CDYL2: variants seen among roughly 807,000 people sequenced by gnomAD.
The protein encoded by CDYL2 is chromodomain Y like 2, also known as chromodomain Y-like protein 2.
In CDYL2, 23 loss-of-function variants were observed where a neutral mutation model predicts 49.4. The ratio of observed to expected loss-of-function variants is 0.47; its 90% confidence interval spans 0.34 to 0.66. The LOEUF (loss-of-function observed/expected upper bound fraction) is 0.66. CDYL2 is among the 30% of genes least tolerant of loss of function. The pLI, the probability that CDYL2 is intolerant of heterozygous loss-of-function variation, is 0.01. For synonymous variants in CDYL2, 360 were observed against 268.8 expected, an observed-to-expected ratio of 1.34 and a Z score of -3.32; for missense variants, 678 against 656.4, an observed-to-expected ratio of 1.03 and a Z score of -0.36.
At chr16:80,671,794 T>G (rs999860869) in intron 2 of CDYL2, among the ~76,000 whole-genome samples, 2 of 152,208 alleles carry the variant, frequency 1.3e-5, no homozygotes, top group African/African-American at 2.4e-5. Context: ...TTATTATTCT[T>G]TTTTGGATGG....
intron 1 of CDYL2, among the ~76,000 whole-genome samples, chr16:80,717,629 C>T (rs1378590490): frequency 6.6e-6 from 1 of 152,188 alleles, no homozygotes; most frequent in South Asian, 2.1e-4. Context: ...GTCTCCTCCA[C>T]GATCTGGGAG....
chr16:80,759,124 A>ATATATATGGTTTT (rs1906433081), intron 1 of CDYL2, among the ~76,000 whole-genome samples: 2 of 133,220 alleles, frequency 1.5e-5, no homozygotes, highest in African/African-American at 5.8e-5. Context: ...ATATATATAT[A>ATATATATGGTTTT]TATATATATA....
intron 2 of CDYL2, among the ~76,000 whole-genome samples, chr16:80,662,064 T>C (rs1238706262): frequency 6.6e-6 from 1 of 152,188 alleles, no homozygotes; most frequent in Non-Finnish European, 1.5e-5. Context: ...CACTCACAGA[T>C]CATGAAGTCT....
At chr16:80,702,720 A>G (rs1044515532) in intron 1 of CDYL2, among the ~76,000 whole-genome samples, 3 of 152,226 alleles carry the variant, frequency 2.0e-5, no homozygotes, top group Non-Finnish European at 1.5e-5. Flanking sequence ...ACTGCATTCC[A>G]GCCTGGGTGA....
At chr16:80,780,397 C>CTTTTTTT (rs1022730941) in intron 1 of CDYL2, among the ~76,000 whole-genome samples, 4 of 105,362 alleles carry the variant, frequency 3.8e-5, no homozygotes, top group Non-Finnish European at 7.5e-5. Flanking sequence ...TGCACAATAT[C>CTTTTTTT]TTTTTTTTTT....
At chr16:80,672,368 G>A (rs893485117) in intron 2 of CDYL2, among the ~76,000 whole-genome samples, 13 of 149,858 alleles carry the variant, frequency 8.7e-5, no homozygotes, top group African/African-American at 3.2e-4. Context: ...GAGAGAGAGA[G>A]ATGAGTAGAA....
intron 1 of CDYL2, among the ~76,000 whole-genome samples, chr16:80,713,129 G>A (rs1904677317): frequency 6.6e-6 from 1 of 152,210 alleles, no homozygotes; most frequent in Non-Finnish European, 1.5e-5. Flanking sequence ...TATGGCCCAT[G>A]ATCTGCTGCA....
chr16:80,605,940 T>C (rs914455434), intron 6 of CDYL2, among the ~76,000 whole-genome samples: 2 of 152,014 alleles, frequency 1.3e-5, no homozygotes, highest in Admixed American at 1.3e-4. Flanking sequence ...CACTCATGGG[T>C]AGAGGGAGCA....
At chr16:80,660,188 C>A (rs565770089) in intron 2 of CDYL2, among the ~76,000 whole-genome samples, 1 of 151,852 alleles carries the variant, frequency 6.6e-6, no homozygotes, top group Admixed American at 6.5e-5. Context: ...TTAAGAGAAA[C>A]TTAGCAAATC....
intron 2 of CDYL2, among the ~76,000 whole-genome samples, chr16:80,674,883 ACAATTGAGGGAGTC>A (rs2142457501): frequency 6.6e-6 from 1 of 152,322 alleles, no homozygotes; most frequent in Admixed American, 6.5e-5. Context: ...ATAAACTTTG[ACAATTGAGGGAGTC>A]CCCTTTACAA....
intron 5 of CDYL2, among the ~76,000 whole-genome samples, chr16:80,609,293 C>G (rs976385900): frequency 6.6e-6 from 1 of 152,158 alleles, no homozygotes; most frequent in Admixed American, 6.5e-5. Context: ...GCACGGCCGG[C>G]AACGCCTTCC....
intron 5 of CDYL2, among the ~76,000 whole-genome samples, chr16:80,608,651 G>C (rs78078819): frequency 3.3e-5 from 5 of 152,276 alleles, no homozygotes; most frequent in Non-Finnish European, 7.4e-5. Context: ...TAAAGCTCAA[G>C]TGGGGTTTCC....
intron 2 of CDYL2, among the ~76,000 whole-genome samples, chr16:80,637,653 GT>G (rs766732213): frequency 1.4e-3 from 202 of 139,394 alleles, no homozygotes; most frequent in Non-Finnish European, 2.7e-3. Context: ...GGAACTTGAT[GT>G]TTTTTAAAAA....
At chr16:80,763,353 G>A (rs1459032930) in intron 1 of CDYL2, among the ~76,000 whole-genome samples, 3 of 104 alleles carry the variant, frequency 0.029, no homozygotes, top group African/African-American at 0.071. Flanking sequence ...GCTCACACCT[G>A]TAATCCCAGC....
At chr16:80,647,926 G>A (rs1023640037) in intron 2 of CDYL2, among the ~76,000 whole-genome samples, 4 of 151,910 alleles carry the variant, frequency 2.6e-5, no homozygotes, top group African/African-American at 9.7e-5. Context: ...ACTGAATGAA[G>A]GAATTAAGAT....
chr16:80,672,432 G>A (rs1199140945), intron 2 of CDYL2, among the ~76,000 whole-genome samples: 1 of 148,470 alleles, frequency 6.7e-6, no homozygotes, highest in East Asian at 2.0e-4. Flanking sequence ...AGATATCACA[G>A]GATAAGGTGA....
intron 1 of CDYL2, among the ~76,000 whole-genome samples, chr16:80,787,690 A>G (rs373931033): frequency 6.6e-6 from 1 of 152,208 alleles, no homozygotes; most frequent in African/African-American, 2.4e-5. Context: ...ACAGAAAACT[A>G]TCATGGTAAA....
chr16:80,615,642 G>T (rs1906795555), intron 4 of CDYL2, among the ~76,000 whole-genome samples: 1 of 152,112 alleles, frequency 6.6e-6, no homozygotes, highest in African/African-American at 2.4e-5. Flanking sequence ...TGCAGCCCTT[G>T]TGACTTTCCA....
intron 1 of CDYL2, among the ~76,000 whole-genome samples, chr16:80,687,615 A>T (rs1037720919): frequency 6.6e-6 from 1 of 152,090 alleles, no homozygotes; most frequent in Non-Finnish European, 1.5e-5. Context: ...AAAGGTGGGG[A>T]CAGAAGTGGG....
Sources: allele counts gnomAD v4.1 joint callset (sites outside exome capture counted in the v4.1 genomes callset), GRCh38; gene constraint gnomAD v4.1.1; transcripts MANE v1.5; gene names NCBI Gene and HGNC (gene_info 2026-07-23, HGNC 2026-07-21).